SPSB1: variants seen among roughly 807,000 people sequenced by gnomAD.
SPSB1 encodes the protein splA/ryanodine receptor domain and SOCS box containing 1.
A neutral mutation model predicts 21.2 loss-of-function variants in SPSB1; 8 were observed. The ratio of observed to expected loss-of-function variants is 0.38; its 90% CI spans 0.22 to 0.68. The LOEUF is 0.68. Ranked by LOEUF, SPSB1 falls within the 30% of genes least tolerant of loss-of-function variation. The pLI is 0.53. For missense variants in SPSB1, 242 were observed against 377.8 expected (o/e 0.64, Z 2.98); for synonymous variants, 169 against 161.7 (o/e 1.05, Z -0.34).
At chr1:9,340,459 T>G (rs944508515) in intron 1 of SPSB1, among the ~76,000 whole-genome samples, 7 of 152,234 alleles carry the variant, frequency 4.6e-5, no homozygotes, top group African/African-American at 1.7e-4. Context: ...GAGGTTTGTT[T>G]TGTTGGCAGG....
intron 2 of SPSB1, among the ~76,000 whole-genome samples, chr1:9,360,577 C>T (rs1640454859): frequency 6.6e-6 from 1 of 152,156 alleles, no homozygotes; most frequent in African/African-American, 2.4e-5. Context: ...CCATGCCTCC[C>T]CTCGCCCCTG....
intron 1 of SPSB1, among the ~76,000 whole-genome samples, chr1:9,328,749 G>A (rs1199060651): frequency 4.6e-5 from 7 of 152,232 alleles, no homozygotes; most frequent in Non-Finnish European, 8.8e-5. Context: ...AATACCCTGC[G>A]TCTTTTCACC....
chr1:9,328,620 C>T (rs1639864062), intron 1 of SPSB1, among the ~76,000 whole-genome samples: 1 of 152,220 alleles, frequency 6.6e-6, no homozygotes, highest in Non-Finnish European at 1.5e-5. Context: ...TTGGGGTGAG[C>T]ACCAACGCCC....
chr1:9,295,696 C>T (rs573342893), intron 1 of SPSB1, among the ~76,000 whole-genome samples: 3 of 152,312 alleles, frequency 2.0e-5, no homozygotes, highest in Admixed American at 6.5e-5. Flanking sequence ...ATGGTGTGTG[C>T]CGTGCTCCCT....
rs113996696 is a variant in SPSB1 at position 9,300,166 on chromosome 1, C to A, written c.-150+7095C>A. Among the ~76,000 whole-genome samples the A allele has an allele frequency of 3.4e-3, 510 of 152,206 alleles. 4 individuals are homozygous for A. Among genetic ancestry groups the A allele is most frequent in the African/African-American group, 0.012 (500 of 41,536 alleles). On this transcript the variant is annotated intron_variant, in intron 1 of 2. Transcript: ENST00000328089. ...TTTCTCGGGGTCCAGTAGTGTCAGG[C>A]CTGTGAAGGTATCCCCTCTAAGGTG... is the stretch of plus-strand genomic sequence containing the variant.
At chr1:9,314,606 A>T (rs146682292) in intron 1 of SPSB1, among the ~76,000 whole-genome samples, 63 of 152,350 alleles carry the variant, frequency 4.1e-4, no homozygotes, top group African/African-American at 1.4e-3. Flanking sequence ...GAATTGCAGA[A>T]AGTGGCAGCC....
At chr1:9,347,088 C>T (rs1057199638) in intron 1 of SPSB1, among the ~76,000 whole-genome samples, 2 of 152,182 alleles carry the variant, frequency 1.3e-5, no homozygotes, top group African/African-American at 4.8e-5. Flanking sequence ...GTGGCCAAGA[C>T]AGGAGAATTG....
chr1:9,335,999 A>G (rs1462129392), intron 1 of SPSB1, among the ~76,000 whole-genome samples: 3 of 152,216 alleles, frequency 2.0e-5, no homozygotes, highest in Admixed American at 1.3e-4. Flanking sequence ...AGCATCCAGC[A>G]CTGTTTGAGG....
chr1:9,315,158 A>G (rs1486642415), intron 1 of SPSB1, among the ~76,000 whole-genome samples: 1 of 152,190 alleles, frequency 6.6e-6, no homozygotes, highest in Non-Finnish European at 1.5e-5. Flanking sequence ...GGGCTGGGAC[A>G]AGAGCTGCAC....
At position 9,348,896 on chromosome 1, in the gene SPSB1, G is replaced by A. The variant is rs74051635; in HGVS notation, c.-149-6847G>A. Among the ~76,000 whole-genome samples the A allele has an allele frequency of 0.018, 2,763 of 152,018 alleles. 102 individuals carry two copies. Among genetic ancestry groups the A allele is most frequent in the African/African-American group, 0.062 (2,561 of 41,430 alleles). On this transcript the variant is annotated intron_variant, in intron 1 of 2. Coordinates refer to ENST00000328089, the MANE Select transcript of SPSB1 (RefSeq NM_025106.4). The surrounding 1 kb of genome is among the most constrained non-coding windows in gnomAD (Gnocchi z 4.8). ...AAACACTGGGTTGAGGGCTTTTGCCGTCAAAGGATGTAAGGGACATCCCCT... is the reference window on the plus strand; with the variant it reads ...AAACACTGGGTTGAGGGCTTTTGCCATCAAAGGATGTAAGGGACATCCCCT...
intron 1 of SPSB1, among the ~76,000 whole-genome samples, chr1:9,327,186 T>C (rs1174111963): frequency 6.6e-6 from 1 of 152,210 alleles, no homozygotes; most frequent in East Asian, 1.9e-4. Context: ...GCCTCCACAG[T>C]GGCCACTCAT....
chr1:9,328,884 C>T (rs1338701213), intron 1 of SPSB1, among the ~76,000 whole-genome samples: 1 of 152,218 alleles, frequency 6.6e-6, no homozygotes, highest in East Asian at 1.9e-4. Flanking sequence ...CCCCACCCAC[C>T]AGACGCCACC....
intron 1 of SPSB1, among the ~76,000 whole-genome samples, chr1:9,311,714 T>C (rs1371997805): frequency 2.0e-5 from 3 of 152,184 alleles, no homozygotes; most frequent in African/African-American, 7.2e-5. Context: ...CCAGGATGTT[T>C]CTGCCGGGGG....
intron 1 of SPSB1, among the ~76,000 whole-genome samples, chr1:9,330,518 C>T (rs1486398390): frequency 7.2e-6 from 1 of 139,622 alleles, no homozygotes; most frequent in East Asian, 2.1e-4. Flanking sequence ...TCTCCTTACT[C>T]CTACCACCCC....
At chr1:9,355,424 C>T (rs1640346113) in intron 1 of SPSB1, among the ~76,000 whole-genome samples, 1 of 152,268 alleles carries the variant, frequency 6.6e-6, no homozygotes, top group South Asian at 2.1e-4. Flanking sequence ...GCCTTCCGCC[C>T]TGTGGAACCC....
chr1:9,318,915 C>T (rs1231524637), intron 1 of SPSB1, among the ~76,000 whole-genome samples: 2 of 152,104 alleles, frequency 1.3e-5, no homozygotes, highest in Non-Finnish European at 2.9e-5. Context: ...TAGGGCCGGG[C>T]GCAGTGGCTC....
At chr1:9,364,814 G>T (rs879480672) in intron 2 of SPSB1, among the ~76,000 whole-genome samples, 140 of 149,722 alleles carry the variant, frequency 9.4e-4, no homozygotes, top group Non-Finnish European at 1.6e-3. Context: ...CAGTTTTGGG[G>T]TTTTTTTGTT....
chr1:9,360,783 C>T (rs891438149), intron 2 of SPSB1, among the ~76,000 whole-genome samples: 5 of 152,256 alleles, frequency 3.3e-5, no homozygotes. Flanking sequence ...ATCCGCAAGG[C>T]CCTGTTTCCA....
intron 2 of SPSB1, among the ~76,000 whole-genome samples, chr1:9,358,081 C>G (rs529641735): frequency 5.9e-5 from 9 of 152,320 alleles, no homozygotes; most frequent in Admixed American, 2.0e-4. Flanking sequence ...CTTGAAGTCT[C>G]CAAGCCTGCA....
Sources: gnomAD v4.1 joint callset for allele counts (sites outside exome capture counted in the v4.1 genomes callset) on GRCh38, gnomAD v4.1.1 for gene constraint, Gnocchi (gnomAD v3.1) non-coding constraint, MANE v1.5 for transcripts, NCBI Gene and HGNC (gene_info 2026-07-23, HGNC 2026-07-21) for gene names.